Variants in MPPED2 observed in about 807,000 individuals in gnomAD.
MPPED2 encodes the protein metallophosphoesterase MPPED2.
MPPED2 carries 5 observed loss-of-function variants against 33.0 expected under a neutral mutation model. That is an observed-to-expected ratio of 0.15 (90% CI 0.08 to 0.32). The LOEUF is 0.32. MPPED2 is among the 10% of genes least tolerant of loss of function. The pLI is 1.00. For synonymous variants in MPPED2, 136 were observed against 141.9 expected (o/e 0.96, Z 0.29); for missense variants, 275 against 372.1 (o/e 0.74, Z 2.15).
At chr11:30,450,922 A>G (rs1950031466) in intron 4 of MPPED2, among the ~76,000 whole-genome samples, 2 of 152,364 alleles carry the variant, frequency 1.3e-5, no homozygotes, top group South Asian at 2.1e-4. Flanking sequence ...CCGATCTCAT[A>G]GGCTCTCTGG....
chr11:30,505,325 A>G (rs182882757), intron 3 of MPPED2, among the ~76,000 whole-genome samples: 12 of 152,274 alleles, frequency 7.9e-5, no homozygotes, highest in East Asian at 1.9e-4. Flanking sequence ...TCACGCTTAT[A>G]TATATTTTTA....
At chr11:30,458,914 CTTTTTTTTTTTTTT>C (rs71060450) in intron 4 of MPPED2, among the ~76,000 whole-genome samples, 3 of 64,514 alleles carry the variant, frequency 4.7e-5, no homozygotes, top group Non-Finnish European at 6.0e-5. Context: ...TTGCACAGTT[CTTTTTTTTTTTTTT>C]TTTTTTTTTT....
chr11:30,496,339 A>G (rs1367538522), intron 3 of MPPED2, among the ~76,000 whole-genome samples: 1 of 152,208 alleles, frequency 6.6e-6, no homozygotes, highest in Non-Finnish European at 1.5e-5. Context: ...ATACATATTA[A>G]TAACTCACCG....
chr11:30,517,293 A>T (rs1193148009), intron 3 of MPPED2, among the ~76,000 whole-genome samples: 1 of 152,160 alleles, frequency 6.6e-6, no homozygotes, highest in Non-Finnish European at 1.5e-5. Flanking sequence ...GCAAGATTTC[A>T]TTTTTATAGC....
At chr11:30,536,477 T>C (rs1370401573) in intron 2 of MPPED2, among the ~76,000 whole-genome samples, 2 of 152,200 alleles carry the variant, frequency 1.3e-5, no homozygotes, top group Non-Finnish European at 2.9e-5. Context: ...TGGTGAAGTT[T>C]AGGGATACTG....
chr11:30,478,412 G>C (rs767722349), intron 4 of MPPED2, among the ~76,000 whole-genome samples: 1 of 151,764 alleles, frequency 6.6e-6, no homozygotes, highest in Non-Finnish European at 1.5e-5. Flanking sequence ...GAAAAAGAAG[G>C]CAGGAGATAA....
chr11:30,485,347 A>AGTT (rs1475265687), intron 4 of MPPED2, among the ~76,000 whole-genome samples: 4 of 107,326 alleles, frequency 3.7e-5, no homozygotes, highest in Non-Finnish European at 9.6e-5. Context: ...AATAAATAGT[A>AGTT]GTTATTATTA....
chr11:30,439,876 C>T (rs1736345276), intron 4 of MPPED2, among the ~76,000 whole-genome samples: 2 of 152,248 alleles, frequency 1.3e-5, no homozygotes. Context: ...AGTTACTTAA[C>T]ATCTCTGTGT....
At chr11:30,542,412 G>A (rs957644358) in intron 2 of MPPED2, among the ~76,000 whole-genome samples, 14 of 128,726 alleles carry the variant, frequency 1.1e-4, no homozygotes, top group African/African-American at 4.3e-4. Context: ...TCAGGAGTTC[G>A]AAATCAGCCT....
intron 2 of MPPED2, among the ~76,000 whole-genome samples, chr11:30,566,255 A>G (rs1294338074): frequency 6.8e-4 from 104 of 152,194 alleles, no homozygotes; most frequent in Non-Finnish European, 5.9e-5. Flanking sequence ...ATAAGTGAGC[A>G]CTTTATAAGG....
intron 2 of MPPED2, among the ~76,000 whole-genome samples, chr11:30,578,962 A>G (rs755008997): frequency 6.6e-6 from 1 of 151,796 alleles, no homozygotes; most frequent in South Asian, 2.1e-4. Context: ...AAGTTCTTTC[A>G]AATAGTTTAG....
chr11:30,432,235 G>T (rs886620622), intron 4 of MPPED2, among the ~76,000 whole-genome samples: 1 of 151,666 alleles, frequency 6.6e-6, no homozygotes, highest in Non-Finnish European at 1.5e-5. Context: ...CTAAAACCAG[G>T]TCAATTGCTT....
chr11:30,434,933 C>G (rs1029921218), intron 4 of MPPED2, among the ~76,000 whole-genome samples: 3 of 152,042 alleles, frequency 2.0e-5, no homozygotes, highest in Non-Finnish European at 4.4e-5. Context: ...ATGCATCTGA[C>G]TGGTAAAGTT....
chr11:30,498,547 C>CA (rs3062014), intron 3 of MPPED2, among the ~76,000 whole-genome samples: 413 of 124,318 alleles, frequency 3.3e-3, no homozygotes, highest in Non-Finnish European at 4.3e-3. Context: ...AAACTTGTCT[C>CA]AAAAAAAAAA....
At chr11:30,527,862 G>A (rs75642617) in intron 3 of MPPED2, among the ~76,000 whole-genome samples, 2,631 of 152,258 alleles carry the variant, frequency 0.017, 66 homozygotes, top group African/African-American at 0.06. Context: ...GAGCATGAAA[G>A]AGCTGTCACT....
At chr11:30,527,822 C>T (rs1954283270) in intron 3 of MPPED2, among the ~76,000 whole-genome samples, 1 of 152,158 alleles carries the variant, frequency 6.6e-6, no homozygotes, top group Non-Finnish European at 1.5e-5. Flanking sequence ...AATTCCTGCC[C>T]TCCCCAGGAG....
intron 4 of MPPED2, among the ~76,000 whole-genome samples, chr11:30,430,873 A>G (rs1385698253): frequency 3.3e-5 from 5 of 152,198 alleles, no homozygotes; most frequent in Non-Finnish European, 4.4e-5. Context: ...TCTATGTTCA[A>G]TCTGCATCTG....
intron 3 of MPPED2, among the ~76,000 whole-genome samples, chr11:30,533,856 T>C (rs1449953624): frequency 6.6e-6 from 1 of 152,238 alleles, no homozygotes; most frequent in Non-Finnish European, 1.5e-5. Flanking sequence ...TCCTTAGTTA[T>C]GACACATTTC....
At chr11:30,440,529 C>T (rs1949525292) in intron 4 of MPPED2, among the ~76,000 whole-genome samples, 1 of 152,096 alleles carries the variant, frequency 6.6e-6, no homozygotes. Context: ...CTCTGGAGCA[C>T]TGAATGAATG....
Sources: gnomAD v4.1 joint callset for allele counts (sites outside exome capture counted in the v4.1 genomes callset) on GRCh38, gnomAD v4.1.1 for gene constraint, MANE v1.5 for transcripts, NCBI Gene and HGNC (gene_info 2026-07-23, HGNC 2026-07-21) for gene names.